The following SGK1 variants were observed in gnomAD, a reference collection of about 807,000 sequenced individuals.
SGK1 encodes serine/threonine-protein kinase Sgk1.
SGK1 carries 26 observed loss-of-function variants against 64.2 expected under a neutral mutation model. The observed-to-expected ratio is 0.40, with a 90% CI of 0.30 to 0.56. The LOEUF is 0.56. Among genes scored for constraint, SGK1 ranks in the 20% least tolerant of loss-of-function variants. The pLI, the probability that SGK1 is intolerant of heterozygous loss-of-function variation, is 0.38. For missense variants in SGK1, 519 were observed against 645.6 expected (o/e 0.80, Z 2.12); for synonymous variants, 265 against 239.7 (o/e 1.11, Z -0.98).
At chr6:134,190,232 C>A (rs1177401372) in intron 3 of SGK1, among the ~76,000 whole-genome samples, 1 of 151,512 alleles carries the variant, frequency 6.6e-6, no homozygotes, top group Admixed American at 6.6e-5. Context: ...AGTGGGAAAA[C>A]AACAATCAAA....
At chr6:134,176,014 G>A in intron 3 of SGK1, 1 of 1,027,100 alleles carries the variant, frequency 9.7e-7, no homozygotes, top group South Asian at 4.5e-5. Flanking sequence ...TTTTTCTGAA[G>A]TAATCTCTGA....
intron 3 of SGK1, among the ~76,000 whole-genome samples, chr6:134,193,839 G>GAGGA (rs1775556006): frequency 4.3e-5 from 3 of 70,040 alleles, no homozygotes; most frequent in East Asian, 6.8e-4. Flanking sequence ...GGAGGGAAGG[G>GAGGA]GAGGGGAGGG....
At chr6:134,222,566 C>T (rs1776106653) in intron 2 of SGK1, among the ~76,000 whole-genome samples, 1 of 151,974 alleles carries the variant, frequency 6.6e-6, no homozygotes, top group Admixed American at 6.6e-5. Flanking sequence ...AAACTCCTGA[C>T]CTCAGGTGAT....
intron 8 of SGK1, 55 bp from the exon 9 acceptor site, chr6:134,172,829 G>T: frequency 1.5e-6 from 2 of 1,348,202 alleles, no homozygotes; most frequent in South Asian, 1.2e-5. Context: ...AATTAGTTTT[G>T]ACATACACAG....
intron 1 of SGK1, among the ~76,000 whole-genome samples, chr6:134,289,287 A>C (rs1481422382): frequency 6.6e-6 from 1 of 152,240 alleles, no homozygotes; most frequent in Non-Finnish European, 1.5e-5. Context: ...TATTTCTTTT[A>C]ATTGGCAATG....
chr6:134,191,077 C>T (rs149435691), intron 3 of SGK1, among the ~76,000 whole-genome samples: 1 of 152,230 alleles, frequency 6.6e-6, no homozygotes, highest in East Asian at 1.9e-4. Context: ...AAAAATAACC[C>T]AACAGCTATG....
intron 1 of SGK1, among the ~76,000 whole-genome samples, chr6:134,310,287 A>G (rs1184311404): frequency 6.6e-6 from 1 of 152,194 alleles, no homozygotes; most frequent in African/African-American, 2.4e-5. Context: ...TGTAGCTAAG[A>G]GCCTATCTCA....
intron 2 of SGK1, among the ~76,000 whole-genome samples, chr6:134,244,660 T>C (rs1416547885): frequency 6.6e-6 from 1 of 152,184 alleles, no homozygotes; most frequent in Non-Finnish European, 1.5e-5. Flanking sequence ...GTCTAACCAG[T>C]ACCAGTGAGA....
intron 1 of SGK1, chr6:134,298,110 A>C: frequency 7.3e-7 from 1 of 1,361,586 alleles, no homozygotes; most frequent in Admixed American, 1.7e-5. Context: ...TTGTTCATGT[A>C]AGCTTCATCC....
At chr6:134,309,398 TCTC>T (rs1777579870) in intron 1 of SGK1, among the ~76,000 whole-genome samples, 1 of 152,198 alleles carries the variant, frequency 6.6e-6, no homozygotes, top group African/African-American at 2.4e-5. Flanking sequence ...TCCACCTCCT[TCTC>T]CTCCACTTTC....
intron 1 of SGK1, among the ~76,000 whole-genome samples, chr6:134,276,643 G>T (rs1307466800): frequency 6.6e-6 from 1 of 152,134 alleles, no homozygotes; most frequent in Non-Finnish European, 1.5e-5. Context: ...AGCATCCTAG[G>T]TTAGAGGAAT....
chr6:134,219,825 C>T (rs1475677837), intron 2 of SGK1, among the ~76,000 whole-genome samples: 1 of 147,382 alleles, frequency 6.8e-6, no homozygotes. Flanking sequence ...TTTGGGAGGC[C>T]GAGGCGGGCG....
intron 2 of SGK1, among the ~76,000 whole-genome samples, chr6:134,247,012 T>A (rs574912257): frequency 1.5e-4 from 23 of 152,084 alleles, no homozygotes; most frequent in South Asian, 8.3e-4. Context: ...TGATTTATTT[T>A]TTTTTTTAAT....
In SGK1 at chr6:134,169,344, TA is replaced by T. The variant is rs1774932274; in HGVS notation, c.*923del. The T allele has an allele frequency of 6.5e-6, 1 of 152,770 alleles. No individual in the cohort carries two copies. The highest frequency in any genetic ancestry group is 1.9e-4 in the East Asian group (1 of 5,194). The allele number at this position is 152,770 out of a possible 1,614,324, so 9.5% of individuals were successfully genotyped here. On this transcript the variant is annotated 3_prime_UTR_variant, in exon 14 of 14. Coordinates refer to ENST00000367858, the MANE Select transcript of SGK1 (RefSeq NM_001143676.3). Reference sequence around the variant, plus strand: ...GGGATGAGGGAAGGATTGTACGTATTATAACCATGTTAATTACAGTACATTA... The same window carrying T: ...GGGATGAGGGAAGGATTGTACGTATTTAACCATGTTAATTACAGTACATTA...
At chr6:134,282,497 C>CA (rs1038932143) in intron 1 of SGK1, among the ~76,000 whole-genome samples, 23 of 151,718 alleles carry the variant, frequency 1.5e-4, no homozygotes, top group African/African-American at 5.3e-4. Flanking sequence ...GCTAAAAATA[C>CA]AAAAAATTAG....
intron 3 of SGK1, 103 bp from the exon 4 acceptor site, chr6:134,174,689 T>C (rs757877477): frequency 3.7e-6 from 6 of 1,613,550 alleles, no homozygotes; most frequent in Non-Finnish European, 5.1e-6. Context: ...ATTTCCACTT[T>C]GCGTCTCCTG....
At chr6:134,224,553 C>T (rs1776138996) in intron 2 of SGK1, among the ~76,000 whole-genome samples, 4 of 152,228 alleles carry the variant, frequency 2.6e-5, no homozygotes, top group South Asian at 2.1e-4. Context: ...TCTCTAGGTG[C>T]TCTGGCAGGG....
intron 1 of SGK1, among the ~76,000 whole-genome samples, chr6:134,306,917 G>GC (rs796665886): frequency 0.012 from 1,744 of 146,226 alleles, 102 homozygotes; most frequent in African/African-American, 0.042. Flanking sequence ...TAAAAGGGGG[G>GC]GGGGGCGGAA....
intron 2 of SGK1, chr6:134,215,134 C>CTTTGTT: frequency 5.1e-6 from 2 of 390,546 alleles, no homozygotes; most frequent in Admixed American, 5.9e-5. Context: ...TTCTTTCTTT[C>CTTTGTT]TTTTTTTTTT....
Sources: allele counts gnomAD v4.1 joint callset (sites outside exome capture counted in the v4.1 genomes callset), GRCh38; gene constraint gnomAD v4.1.1; transcripts MANE v1.5; gene names NCBI Gene and HGNC (gene_info 2026-07-23, HGNC 2026-07-21).